The following CFD variants were observed in gnomAD, a reference collection of about 807,000 sequenced individuals.
The protein encoded by CFD is C3 convertase activator.
A neutral mutation model predicts 21.1 loss-of-function variants in CFD; 24 were observed. The observed-to-expected ratio is 1.14, with a 90% CI of 0.82 to 1.60. CFD has a LOEUF of 1.60. Ranked by LOEUF, CFD falls within the 40% of genes most tolerant of loss-of-function variation. The pLI is 0.00. For missense variants in CFD, 535 were observed against 383.3 expected (o/e 1.40, Z -3.31); for synonymous variants, 242 against 175.9 (o/e 1.38, Z -2.97).
At position 860,933 on chromosome 19, in the gene CFD, C is replaced by A. The variant is rs752800376; in HGVS notation, c.285C>A (p.Tyr95Ter). 27 of 1,601,012 alleles carry A rather than the reference C, an allele frequency of 1.7e-5. No homozygotes were observed. The highest frequency in any genetic ancestry group is 2.2e-5 in the Non-Finnish European group (26 of 1,179,118). Reference sequence around the variant, plus strand: ...AGCCGGAGCCCTCCAAGCGCCTGTACGACGTGCTCCGCGCAGTGCCCCACC... The same window carrying A: ...AGCCGGAGCCCTCCAAGCGCCTGTAAGACGTGCTCCGCGCAGTGCCCCACC... ...LSQPEPSKRL[Y>*]DVLRAVPHPD... Residue 95 changes from tyrosine (Y) to a stop codon, truncating the protein, a stop_gained, in exon 3 of 5, where the codon TAC becomes TAA. Coordinates refer to ENST00000327726, the MANE Select transcript of CFD (RefSeq NM_001928.4). LOFTEE classifies it high-confidence loss of function.
chr19:861,616 C>G (rs1288993033), intron 3 of CFD, 83 bp from the exon 4 acceptor site: 1 of 1,503,264 alleles, frequency 6.7e-7, no homozygotes, highest in Non-Finnish European at 8.9e-7. Context: ...CCACCTCCCC[C>G]GTCCCGTCTC....
intron 3 of CFD, 47 bp from the exon 4 acceptor site, chr19:861,652 G>A: frequency 6.5e-7 from 1 of 1,545,392 alleles, no homozygotes; most frequent in Non-Finnish European, 8.7e-7. Flanking sequence ...ATTCTCCCCA[G>A]CCTCGCACCC....
chr19:859,769 A>T, intron 1 of CFD, 25 bp downstream of exon 1: 1 of 1,548,294 alleles, frequency 6.5e-7, no homozygotes, highest in Non-Finnish European at 8.8e-7. Flanking sequence ...GCCTGGGGTG[A>T]GGGACAGGGC....
chr19:862,574 G>C (rs1343623280), intron 4 of CFD, among the ~76,000 whole-genome samples: 14 of 151,678 alleles, frequency 9.2e-5, no homozygotes, highest in Non-Finnish European at 1.5e-5. Flanking sequence ...GGTGCGGAGC[G>C]GGATCCCTGC....
Position 860,627 on chromosome 19 carries a change from C to A in CFD, c.66C>A (p.Pro22=). The change falls in exon 2 of 5, where the codon CCC becomes CCA. Residue 22 remains proline (P), a synonymous_variant. Transcript: ENST00000327726. ...LLGAAACAAP[P]RGRILGGREA... is the part of the protein sequence containing the mutation. ...CCCGCCCACCCACAGCGGCGCCGCCCCGTGGTCGGATCCTGGGCGGCAGAG... is the reference window on the plus strand; with the variant it reads ...CCCGCCCACCCACAGCGGCGCCGCCACGTGGTCGGATCCTGGGCGGCAGAG... The A allele has an allele frequency of 1.4e-6, 2 of 1,459,104 alleles. No individual in the cohort carries two copies. Among genetic ancestry groups the A allele is most frequent in the Non-Finnish European group, 1.8e-6 (2 of 1,113,486 alleles). 90.4% of individuals were successfully genotyped at this position (1,459,104 alleles called of 1,614,324 possible).
Position 860,614 on chromosome 19 carries a change from C to G in CFD, c.56-3C>G. 6.9e-7 allele frequency: 1 copy of G among 1,442,192 alleles called. No individual in the cohort carries two copies. Among genetic ancestry groups the G allele is most frequent in the Non-Finnish European group, 9.0e-7 (1 of 1,105,708 alleles). The allele number at this position is 1,442,192 out of a possible 1,614,324, so 89.3% of individuals were successfully genotyped here. ...CGGCCCTCACGCGCCCGCCCACCCA[C>G]AGCGGCGCCGCCCCGTGGTCGGATC... is the stretch of plus-strand genomic sequence containing the variant. On this transcript the variant is annotated splice_region_variant and splice_polypyrimidine_tract_variant and intron_variant, in intron 1 of 4. Transcript: ENST00000327726.
Position 861,752 on chromosome 19 carries a change from C to T in CFD, c.411C>T (p.Arg137=), listed in dbSNP as rs1416938523. 1 of 1,605,690 alleles carries T rather than the reference C, an allele frequency of 6.2e-7. No individual in the cohort carries two copies. Among genetic ancestry groups the T allele is most frequent in the Non-Finnish European group, 8.5e-7 (1 of 1,178,258 alleles). The change falls in exon 4 of 5, where the codon CGC becomes CGT. Residue 137 remains arginine (R), a synonymous_variant. Coordinates refer to ENST00000327726, the MANE Select transcript of CFD (RefSeq NM_001928.4). ...GPAVRPLPWQ[R]VDRDVAPGTL... is the part of the protein sequence containing the mutation. ...CTGTGCGCCCCCTGCCCTGGCAGCG[C>T]GTGGACCGCGACGTGGCACCGGGAA...
chr19:863,012 G>A (rs1184091090), intron 4 of CFD, 80 bp from the exon 5 acceptor site: 24 of 1,352,820 alleles, frequency 1.8e-5, no homozygotes, highest in Middle Eastern at 2.6e-4. Flanking sequence ...GGGCGGGAGC[G>A]GCAGCCAGGT....
At chr19:861,999 CCGGGAAGGGCCTGCA>C in intron 4 of CFD, 43 bp downstream of exon 4, 1 of 1,510,964 alleles carries the variant, frequency 6.6e-7, no homozygotes, top group Non-Finnish European at 8.8e-7. Context: ...CCTGCAGGCC[CCGGGAAGGGCCTGCA>C]GAGGGAGCGC....
Position 863,422 on chromosome 19 carries a change from C to A in CFD, c.*184C>A. The A allele has an allele frequency of 1.5e-6, 1 of 678,626 alleles. No homozygotes were observed. The highest frequency in any genetic ancestry group is 1.8e-5 in the South Asian group (1 of 56,704). The allele number at this position is 678,626 out of a possible 1,614,324, so 42.0% of individuals were successfully genotyped here. On this transcript the variant is annotated 3_prime_UTR_variant, in exon 5 of 5. Transcript: ENST00000327726. Reference sequence around the variant, plus strand: ...CATGGGCCACGTAGCGCGACTCCATCTCTACAAATAAATAAAAAATTAGCT... The same window carrying A: ...CATGGGCCACGTAGCGCGACTCCATATCTACAAATAAATAAAAAATTAGCT...
At chr19:862,074 AG>A in intron 4 of CFD, 118 bp downstream of exon 4, 1 of 375,216 alleles carries the variant, frequency 2.7e-6, no homozygotes, top group Non-Finnish European at 3.4e-6. Flanking sequence ...CGGGGCGCGT[AG>A]GGGGCGGGAA....
chr19:862,357 A>AGAGGGTTGGGGCAT lies in CFD; in HGVS notation c.615+407_615+420dup, dbSNP rs1356300447. On this transcript the variant is annotated intron_variant, in intron 4 of 4. Transcript: ENST00000327726. ...GGACTGCAAGGGGGCGAGGCCAGGA[A>AGAGGGTTGGGGCAT]GAGGGTTGGGGCATGAGGGGCAGGG... 9.3e-4 allele frequency among the ~76,000 whole-genome samples: 69 copies of AGAGGGTTGGGGCAT among 74,310 alleles called. 2 individuals are homozygous for AGAGGGTTGGGGCAT. In the South Asian group the frequency reaches 0.03, roughly 33 times the overall value. 48.8% of individuals were successfully genotyped at this position (74,310 alleles called of 152,430 possible). A position where few individuals can be genotyped will look rare whatever the true frequency, so the allele number is the denominator to read the frequency against.
At chr19:861,672 A>G (rs1410262471) in intron 3 of CFD, 27 bp from the exon 4 acceptor site, 2 of 1,561,136 alleles carry the variant, frequency 1.3e-6, no homozygotes, top group South Asian at 1.2e-5. Context: ...CCCGCACCCC[A>G]ACCCTGACGT....
At position 863,180 on chromosome 19, in the gene CFD, C is replaced by A; in HGVS notation, c.704C>A (p.Pro235His). Residue 235 changes from proline (P) to histidine (H), a missense_variant, in exon 5 of 5, where the codon CCC (proline) becomes CAC (histidine). Coordinates refer to ENST00000327726, the MANE Select transcript of CFD (RefSeq NM_001928.4). ...CGCGTTTGCGGCAACCGCAAGAAGC[C>A]CGGGATCTACACCCGCGTGGCGAGC... Reference protein sequence around the residue: ...GSRVCGNRKKPGIYTRVASYA... With the variant: ...GSRVCGNRKKHGIYTRVASYA... 2 of 1,538,122 alleles carry A rather than the reference C, an allele frequency of 1.3e-6. No individual in the cohort carries two copies. The highest frequency in any genetic ancestry group is 1.7e-6 in the Non-Finnish European group (2 of 1,147,482).
chr19:861,067 AC>A (rs2035785057), intron 3 of CFD, 62 bp downstream of exon 3: 2 of 1,497,840 alleles, frequency 1.3e-6, no homozygotes, highest in East Asian at 2.5e-5. Flanking sequence ...CCCTCACTCC[AC>A]CCCGCCTACA....
At chr19:860,797 G>T in intron 2 of CFD, 24 bp downstream of exon 2, 3 of 1,558,600 alleles carry the variant, frequency 1.9e-6, no homozygotes, top group Non-Finnish European at 1.7e-6. Flanking sequence ...CCGCGCGGGG[G>T]AAGAGCCCGG....
rs1408533462 is a variant in CFD at position 860,768 on chromosome 19, G to C, written c.207G>C (p.Glu69Asp). ...TGCTGAGCGCGGCGCACTGCCTGGA[G>C]GACGCGTGAGTGCCCGCGCCGCGCG... The part of the protein sequence containing the change: ...QWVLSAAHCL[E>D]DAADGKVQVL... The change falls in exon 2 of 5, where the codon GAG becomes GAC. Residue 69 changes from glutamate (E) to aspartate (D), a missense_variant. Coordinates refer to ENST00000327726, the MANE Select transcript of CFD (RefSeq NM_001928.4). 1.3e-6 allele frequency: 2 copies of C among 1,566,198 alleles called. No homozygotes were observed. Among genetic ancestry groups the C allele is most frequent in the Non-Finnish European group, 1.7e-6 (2 of 1,164,960 alleles).
chr19:860,911 C>T lies in CFD; in HGVS notation c.263C>T (p.Pro88Leu), dbSNP rs761211676. 2.5e-6 allele frequency: 4 copies of T among 1,595,440 alleles called. No individual in the cohort carries two copies. Among genetic ancestry groups the T allele is most frequent in the Non-Finnish European group, 3.4e-6 (4 of 1,176,374 alleles). Residue 88 changes from proline (P) to leucine (L), a missense_variant, in exon 3 of 5, where the codon CCG (proline) becomes CTG (leucine). Physicochemically the swap from Pro to Leu is moderately conservative, Grantham distance 98. Coordinates refer to ENST00000327726, the MANE Select transcript of CFD (RefSeq NM_001928.4). ...CTGGGCGCGCACTCCCTGTCGCAGC[C>T]GGAGCCCTCCAAGCGCCTGTACGAC... ...VLLGAHSLSQ[P>L]EPSKRLYDVL...
At position 861,789 on chromosome 19, in the gene CFD, G is replaced by A; in HGVS notation, c.448G>A (p.Val150Met). Residue 150 changes from valine to methionine, a missense_variant, in exon 4 of 5, where the codon GTG becomes ATG. Coordinates refer to ENST00000327726, the MANE Select transcript of CFD (RefSeq NM_001928.4). ...CGTGGCACCGGGAACTCTCTGCGAC[G>A]TGGCCGGCTGGGGCATAGTCAACCA... is the stretch of plus-strand genomic sequence containing the variant. ...RDVAPGTLCD[V>M]AGWGIVNHAG... 1 of 1,605,100 alleles carries A rather than the reference G, an allele frequency of 6.2e-7. No individual in the cohort carries two copies. Among genetic ancestry groups the A allele is most frequent in the Non-Finnish European group, 8.5e-7 (1 of 1,179,128 alleles).
Sources: allele counts gnomAD v4.1 joint callset (sites outside exome capture counted in the v4.1 genomes callset), GRCh38; gene constraint gnomAD v4.1.1; transcripts MANE v1.5; gene names NCBI Gene and HGNC (gene_info 2026-07-23, HGNC 2026-07-21).